The following LRMDA variants were observed in gnomAD, a reference collection of about 807,000 sequenced individuals.
LRMDA encodes leucine rich melanocyte differentiation associated.
In LRMDA, 18 loss-of-function variants were observed where a neutral mutation model predicts 29.8. That is an observed-to-expected ratio of 0.60 (90% confidence interval 0.42 to 0.90). LRMDA has a LOEUF of 0.90. LRMDA is among the 40% of genes least tolerant of loss of function. The pLI, the probability that LRMDA is intolerant of heterozygous loss-of-function variation, is 0.00. For synonymous variants in LRMDA, 125 were observed against 109.4 expected (o/e 1.14, Z -0.89); for missense variants, 273 against 273.9 (o/e 1.00, Z 0.02).
At chr10:76,367,008 G>T (rs1397186235) in intron 6 of LRMDA, among the ~76,000 whole-genome samples, 1 of 152,128 alleles carries the variant, frequency 6.6e-6, no homozygotes, top group Non-Finnish European at 1.5e-5. Context: ...CTGTTAAGAT[G>T]ATCATGTGAT....
At chr10:75,931,181 T>C (rs1280428353) in intron 2 of LRMDA, among the ~76,000 whole-genome samples, 1 of 152,188 alleles carries the variant, frequency 6.6e-6, no homozygotes, top group Non-Finnish European at 1.5e-5. Context: ...TGGAATCAGC[T>C]GCATATACCC....
At chr10:75,995,190 G>T (rs988844033) in intron 2 of LRMDA, among the ~76,000 whole-genome samples, 2 of 152,134 alleles carry the variant, frequency 1.3e-5, no homozygotes, top group South Asian at 2.1e-4. Flanking sequence ...CATTTGCAGT[G>T]GAGTAAAGCA....
At chr10:75,832,201 G>A (rs904903461) in intron 2 of LRMDA, among the ~76,000 whole-genome samples, 5 of 152,200 alleles carry the variant, frequency 3.3e-5, no homozygotes, top group African/African-American at 1.2e-4. Context: ...AAAACTGAAT[G>A]CCTTTAACAG....
chr10:76,176,519 C>T (rs1383006559), intron 5 of LRMDA, among the ~76,000 whole-genome samples: 5 of 152,166 alleles, frequency 3.3e-5, no homozygotes, highest in Admixed American at 2.6e-4. Context: ...GCCGGCTGGG[C>T]GCGGTGGCTC....
At chr10:76,148,280 A>G (rs1457102671) in intron 5 of LRMDA, among the ~76,000 whole-genome samples, 1 of 152,222 alleles carries the variant, frequency 6.6e-6, no homozygotes, top group Non-Finnish European at 1.5e-5. Flanking sequence ...CCCTGCCCCC[A>G]GAGGTGGAGC....
intron 2 of LRMDA, among the ~76,000 whole-genome samples, chr10:75,825,710 T>G (rs1844236743): frequency 6.6e-6 from 1 of 152,238 alleles, no homozygotes. Flanking sequence ...ACCATTCACC[T>G]AACAGATTAC....
chr10:76,361,258 C>CA (rs67200824), intron 6 of LRMDA, among the ~76,000 whole-genome samples: 3,965 of 132,298 alleles, frequency 0.03, 149 homozygotes, highest in African/African-American at 0.096. Context: ...GAGACTGTCT[C>CA]AAAAAAAAAA....
intron 2 of LRMDA, among the ~76,000 whole-genome samples, chr10:76,029,263 C>T (rs753776782): frequency 3.3e-5 from 5 of 152,010 alleles, no homozygotes; most frequent in South Asian, 2.1e-4. Context: ...TATATCCTAC[C>T]TCATTCTATG....
intron 4 of LRMDA, among the ~76,000 whole-genome samples, chr10:76,056,846 G>A (rs906799017): frequency 2.0e-5 from 3 of 152,170 alleles, no homozygotes; most frequent in Admixed American, 1.3e-4. Context: ...GTTGCACCTG[G>A]GAGCAGGGGC....
intron 5 of LRMDA, among the ~76,000 whole-genome samples, chr10:76,172,196 G>A (rs563733719): frequency 6.6e-6 from 1 of 152,086 alleles, no homozygotes; most frequent in Non-Finnish European, 1.5e-5. Flanking sequence ...TCAAACACCT[G>A]CTACTAGGTC....
At chr10:75,765,717 G>C (rs1436434119) in intron 2 of LRMDA, among the ~76,000 whole-genome samples, 1 of 151,928 alleles carries the variant, frequency 6.6e-6, no homozygotes, top group African/African-American at 2.4e-5. Flanking sequence ...GGAATTTATG[G>C]GACCCAGAGA....
At chr10:76,142,666 G>T (rs1013506195) in intron 5 of LRMDA, among the ~76,000 whole-genome samples, 2 of 138,168 alleles carry the variant, frequency 1.4e-5, no homozygotes, top group East Asian at 2.2e-4. Context: ...CCAGAAGATG[G>T]TCATTATGTT....
chr10:76,000,593 G>A (rs1178370220), intron 2 of LRMDA, among the ~76,000 whole-genome samples: 2 of 152,146 alleles, frequency 1.3e-5, no homozygotes, highest in Non-Finnish European at 2.9e-5. Context: ...AATGTGAATC[G>A]AGTGGTGAAC....
chr10:76,553,902 T>A (rs1321082268), intron 6 of LRMDA, among the ~76,000 whole-genome samples: 1 of 152,126 alleles, frequency 6.6e-6, no homozygotes, highest in Non-Finnish European at 1.5e-5. Flanking sequence ...TCCCCACGCC[T>A]TCCTGGAGCA....
chr10:76,185,123 T>C (rs762484831), intron 5 of LRMDA, among the ~76,000 whole-genome samples: 7 of 152,216 alleles, frequency 4.6e-5, no homozygotes, highest in Non-Finnish European at 8.8e-5. Flanking sequence ...TTTTAATGTG[T>C]CTCTTTAAGC....
intron 5 of LRMDA, among the ~76,000 whole-genome samples, chr10:76,301,560 A>G (rs2132361935): frequency 6.6e-6 from 1 of 152,282 alleles, no homozygotes; most frequent in Non-Finnish European, 1.5e-5. Flanking sequence ...TTATGAATTC[A>G]CCACACAATG....
chr10:76,502,168 G>T (rs1026265272), intron 6 of LRMDA, among the ~76,000 whole-genome samples: 4 of 151,988 alleles, frequency 2.6e-5, no homozygotes, highest in African/African-American at 9.7e-5. Flanking sequence ...TCAGATGGTT[G>T]TAGTTTTGCC....
chr10:75,852,628 C>A (rs566560290), intron 2 of LRMDA, among the ~76,000 whole-genome samples: 40 of 152,132 alleles, frequency 2.6e-4, no homozygotes, highest in Admixed American at 1.9e-3. Context: ...GGATTGTTAG[C>A]AAATCTATTC....
intron 2 of LRMDA, among the ~76,000 whole-genome samples, chr10:75,722,318 A>G (rs1036051609): frequency 6.6e-6 from 1 of 152,162 alleles, no homozygotes; most frequent in Non-Finnish European, 1.5e-5. Flanking sequence ...CTAACAATTA[A>G]TGTCCAAACA....
Sources: gnomAD v4.1 joint callset for allele counts (sites outside exome capture counted in the v4.1 genomes callset) on GRCh38, gnomAD v4.1.1 for gene constraint, MANE v1.5 for transcripts, NCBI Gene and HGNC (gene_info 2026-07-23, HGNC 2026-07-21) for gene names.